LRRC37A2: variants seen among roughly 807,000 people sequenced by gnomAD.
LRRC37A2 encodes leucine rich repeat containing 37 member A2, also known as leucine-rich repeat-containing protein 37A2.
In LRRC37A2, 9 loss-of-function variants were observed where a neutral mutation model predicts 68.8. The ratio of observed to expected loss-of-function variants is 0.13; its 90% CI spans 0.08 to 0.23. The LOEUF (loss-of-function observed/expected upper bound fraction) is 0.23, where lower values mean the gene tolerates loss of function less well. Ranked by LOEUF, LRRC37A2 falls within the 10% of genes least tolerant of loss-of-function variation. LRRC37A2 has a pLI of 1.00. For missense variants in LRRC37A2, 168 were observed against 950.4 expected (o/e 0.18, Z 10.82); for synonymous variants, 63 against 367.6 (o/e 0.17, Z 9.48).
chr17:46,466,585 TCATC>T, the LRRC37A2 span, among the ~76,000 whole-genome samples: 2 of 51,550 alleles, frequency 3.9e-5, no homozygotes, highest in African/African-American at 2.2e-4. Context: ...GTTTCCAGCT[TCATC>T]CATGTCCCTG....
At chr17:46,941,477 C>T in the LRRC37A2 span, 6 of 970,616 alleles carry the variant, frequency 6.2e-6, no homozygotes, top group Non-Finnish European at 7.3e-6. Context: ...GCTGGGCTGG[C>T]TGCTTCAGAA....
the LRRC37A2 span, among the ~76,000 whole-genome samples, chr17:46,986,014 G>A: frequency 6.6e-6 from 1 of 152,132 alleles, no homozygotes; most frequent in African/African-American, 2.4e-5. Flanking sequence ...TGTGCTCTTT[G>A]GATAAATAGT....
chr17:46,889,020 C>T, the LRRC37A2 span, among the ~76,000 whole-genome samples: 1 of 152,070 alleles, frequency 6.6e-6, no homozygotes, highest in African/African-American at 2.4e-5. Context: ...TAAAGCAGAG[C>T]TCTCATGTCT....
At chr17:46,934,352 AAAG>A in the LRRC37A2 span, among the ~76,000 whole-genome samples, 4 of 152,134 alleles carry the variant, frequency 2.6e-5, no homozygotes, top group Admixed American at 2.6e-4. Context: ...AAAATACAAA[AAAG>A]AGAAAGAAAG....
At chr17:46,880,050 G>C in the LRRC37A2 span, among the ~76,000 whole-genome samples, 12 of 152,344 alleles carry the variant, frequency 7.9e-5, no homozygotes, top group Admixed American at 2.0e-4. Context: ...TGGATTTCTG[G>C]CTGCTTTTGC....
the LRRC37A2 span, among the ~76,000 whole-genome samples, chr17:46,887,613 A>T: frequency 6.6e-6 from 1 of 152,046 alleles, no homozygotes; most frequent in African/African-American, 2.4e-5. Flanking sequence ...AAATACAAGA[A>T]ATTAGCCGGG....
chr17:46,501,052 G>A, the LRRC37A2 span, among the ~76,000 whole-genome samples: 1 of 151,240 alleles, frequency 6.6e-6, no homozygotes, highest in Non-Finnish European at 1.5e-5. Context: ...GCATGGTGGT[G>A]GTACTTTTTA....
At chr17:46,610,339 C>T in the LRRC37A2 span, among the ~76,000 whole-genome samples, 1 of 50,084 alleles carries the variant, frequency 2.0e-5, no homozygotes, top group Non-Finnish European at 4.1e-5. Flanking sequence ...CGTGTTCGTT[C>T]CTCCATACCA....
At chr17:46,709,980 A>G in the LRRC37A2 span, among the ~76,000 whole-genome samples, 1 of 152,208 alleles carries the variant, frequency 6.6e-6, no homozygotes, top group South Asian at 2.1e-4. Flanking sequence ...TTTTGTGGCA[A>G]AGTAATAGAG....
At chr17:46,772,712 C>G in the LRRC37A2 span, among the ~76,000 whole-genome samples, 1 of 152,204 alleles carries the variant, frequency 6.6e-6, no homozygotes, top group African/African-American at 2.4e-5. Context: ...CCCTGAGCAC[C>G]TGAGGCACCG....
the LRRC37A2 span, among the ~76,000 whole-genome samples, chr17:46,779,101 ACAC>A: frequency 3.9e-4 from 55 of 140,066 alleles, no homozygotes; most frequent in African/African-American, 1.5e-3. Context: ...ACACACACAC[ACAC>A]CCCAGCCCAC....
At chr17:46,583,361 C>T in the LRRC37A2 span, among the ~76,000 whole-genome samples, 37 of 77,640 alleles carry the variant, frequency 4.8e-4, 6 homozygotes, top group Admixed American at 1.1e-3. Flanking sequence ...GGTGGCACAA[C>T]CTCGGCTCAC....
the LRRC37A2 span, chr17:46,932,080 T>G: frequency 1.2e-6 from 2 of 1,613,730 alleles, no homozygotes; most frequent in Non-Finnish European, 1.7e-6. Context: ...GGTTGACCAG[T>G]TAAAGTATGA....
the LRRC37A2 span, among the ~76,000 whole-genome samples, chr17:46,500,580 T>C: frequency 6.6e-6 from 1 of 150,736 alleles, no homozygotes; most frequent in Non-Finnish European, 1.5e-5. Flanking sequence ...CACCTGAAGA[T>C]TGTGAGAAAC....
chr17:46,490,273 C>G, the LRRC37A2 span, among the ~76,000 whole-genome samples: 5 of 151,250 alleles, frequency 3.3e-5, no homozygotes, highest in Non-Finnish European at 7.3e-5. Context: ...TGGCTGTGTT[C>G]CAATAAAACT....
chr17:46,982,648 G>A, the LRRC37A2 span, among the ~76,000 whole-genome samples: 17 of 152,168 alleles, frequency 1.1e-4, no homozygotes, highest in Non-Finnish European at 1.5e-4. Flanking sequence ...CCAAAGCCAC[G>A]CTCTTCATTA....
chr17:46,900,915 GCTT>G, the LRRC37A2 span, among the ~76,000 whole-genome samples: 3 of 152,138 alleles, frequency 2.0e-5, no homozygotes, highest in African/African-American at 7.2e-5. Flanking sequence ...GTGCTCAGAG[GCTT>G]ACATTCTAGT....
chr17:46,965,299 C>G, the LRRC37A2 span, among the ~76,000 whole-genome samples: 1 of 152,212 alleles, frequency 6.6e-6, no homozygotes, highest in South Asian at 2.1e-4. Context: ...TTCTCCTTTT[C>G]TGCATCCTCC....
chr17:46,377,726 C>A, the LRRC37A2 span, among the ~76,000 whole-genome samples: 1 of 59,914 alleles, frequency 1.7e-5, no homozygotes, highest in South Asian at 7.3e-4. Context: ...TGTGCCACCA[C>A]GCCCAGCTAA....
Sources: gnomAD v4.1 joint callset for allele counts (sites outside exome capture counted in the v4.1 genomes callset) on GRCh38, gnomAD v4.1.1 for gene constraint, MANE v1.5 for transcripts, NCBI Gene and HGNC (gene_info 2026-07-23, HGNC 2026-07-21) for gene names.